The following ADH1B variants were observed in gnomAD, a reference collection of about 807,000 sequenced individuals.
ADH1B encodes alcohol dehydrogenase 1B (class I), beta polypeptide, also known as all-trans-retinol dehydrogenase [NAD(+)] ADH1B.
Under a neutral mutation model 34.6 loss-of-function variants are expected in ADH1B, and 29 were observed. The ratio of observed to expected loss-of-function variants is 0.84; its 90% CI spans 0.62 to 1.14. The LOEUF is 1.14. Among genes scored for constraint, ADH1B ranks in the 50% most tolerant of loss-of-function variants. ADH1B has a pLI of 0.00. For synonymous variants in ADH1B, 170 were observed against 175.5 expected, an observed-to-expected ratio of 0.97 and a Z score of 0.25; for missense variants, 424 against 468.4, an observed-to-expected ratio of 0.91 and a Z score of 0.87.
chr4:99,308,000 A>G, intron 8 of ADH1B, 136 bp from the exon 9 acceptor site: 1 of 1,145,510 alleles, frequency 8.7e-7, no homozygotes, highest in South Asian at 1.6e-5. Flanking sequence ...ATCCCCATAC[A>G]TTTGGTTCAA....
intron 1 of ADH1B, chr4:99,320,857 G>A: frequency 5.6e-6 from 7 of 1,259,220 alleles, no homozygotes; most frequent in Non-Finnish European, 7.1e-6. Flanking sequence ...TAAGGTTAAA[G>A]GATATTTCAG....
At chr4:99,315,346 A>G (rs1295882722) in intron 5 of ADH1B, 1 of 165,768 alleles carries the variant, frequency 6.0e-6, no homozygotes, top group Non-Finnish European at 1.3e-5. Flanking sequence ...AGTTAGTTTT[A>G]GCAGTGAAAT....
rs1033639294 is a variant in ADH1B at position 99,306,636 on chromosome 4, A to G, written c.*1204T>C. 1.3e-5 allele frequency: 2 copies of G among 151,906 alleles called. No homozygotes were observed. The highest frequency in any genetic ancestry group is 2.9e-5 in the Non-Finnish European group (2 of 68,010). 9.4% of individuals were successfully genotyped at this position (151,906 alleles called of 1,614,324 possible). A position where few individuals can be genotyped will look rare whatever the true frequency, so the allele number is the denominator to read the frequency against. On this transcript the variant is annotated 3_prime_UTR_variant, in exon 9 of 9. Coordinates refer to ENST00000305046, the MANE Select transcript of ADH1B (RefSeq NM_000668.6). ...TAATCTTTGCATGTCACATTTAGAG[A>G]TAAAGCTCAAAATGCAAATCCTTCC... is the stretch of plus-strand genomic sequence containing the variant.
chr4:99,316,333 A>G, intron 3 of ADH1B, 31 bp from the exon 4 acceptor site: 1 of 1,576,344 alleles, frequency 6.3e-7, no homozygotes, highest in Non-Finnish European at 8.7e-7. Flanking sequence ...TTCTTCTTAA[A>G]TTTCTATGCA....
In ADH1B at chr4:99,307,848, T is replaced by G; in HGVS notation, c.1120A>C (p.Thr374Pro). The G allele has an allele frequency of 6.2e-7, 1 of 1,613,898 alleles. No individual in the cohort carries two copies. Among genetic ancestry groups the G allele is most frequent in the South Asian group, 1.1e-5 (1 of 91,066 alleles). ...HSGKSIRTVL[T>P]F is the part of the protein sequence containing the mutation. ...AAGGCATCTCTATTGCCTCAAAACG[T>G]CAGGACGGTACGGATACTGCAATAG... The change falls in exon 9 of 9, where the codon ACG becomes CCG. Residue 374 changes from threonine (T) to proline (P), a missense_variant. This residue lies in a region of ADH1B where 130 missense variants were observed against 151.8 expected (regional missense o/e 0.86). Coordinates refer to ENST00000305046, the MANE Select transcript of ADH1B (RefSeq NM_000668.6).
At chr4:99,318,258 G>C in intron 2 of ADH1B, 74 bp from the exon 3 acceptor site, 2 of 1,575,346 alleles carry the variant, frequency 1.3e-6, no homozygotes, top group African/African-American at 1.4e-5. Flanking sequence ...CCAAATTCCT[G>C]AAATTGTGTT....
chr4:99,310,543 G>A (rs1280678331), intron 8 of ADH1B, among the ~76,000 whole-genome samples: 1 of 151,998 alleles, frequency 6.6e-6, no homozygotes, highest in Non-Finnish European at 1.5e-5. Context: ...ATTCAGATTT[G>A]CAGTAATCAA....
rs574201027 is a variant in ADH1B, at chr4:99,310,703, T to C, written c.1103+62A>G. 69 of 1,549,408 alleles carry C rather than the reference T, an allele frequency of 4.5e-5. 2 individuals are homozygous for C. Among genetic ancestry groups the C allele is most frequent in the African/African-American group, 9.7e-5 (7 of 71,934 alleles). On this transcript the variant is annotated intron_variant, in intron 8 of 8. Transcript: ENST00000305046. ...TCTCATCTTTCCACCTTTTTCATTC[T>C]CTGCTAGACAATCCCCTATGGTAGA...
chr4:99,311,241 A>G (rs976285889), intron 7 of ADH1B, among the ~76,000 whole-genome samples: 8 of 152,226 alleles, frequency 5.3e-5, no homozygotes, highest in African/African-American at 1.7e-4. Context: ...AAAAATTTCC[A>G]TGCCTTACAC....
rs575940758 is a variant in ADH1B, at chr4:99,306,602, T to A, written c.*1238A>T. ...CATTTTTGGAGACAGCTACCTCCTT[T>A]ACCAGGAATAATCTTTGCATGTCAC... On this transcript the variant is annotated 3_prime_UTR_variant, in exon 9 of 9. Coordinates refer to ENST00000305046, the MANE Select transcript of ADH1B (RefSeq NM_000668.6). 6.6e-6 allele frequency: 1 copy of A among 152,242 alleles called. No individual in the cohort carries two copies. The highest frequency in any genetic ancestry group is 2.4e-5 in the African/African-American group (1 of 41,456). 9.4% of individuals were successfully genotyped at this position (152,242 alleles called of 1,614,324 possible).
chr4:99,317,798 CTCTA>C (rs1733922726), intron 3 of ADH1B: 3 of 516,530 alleles, frequency 5.8e-6, no homozygotes, highest in Non-Finnish European at 6.6e-6. Context: ...TATCTCCAGG[CTCTA>C]ACCTGGTGCC....
Position 99,318,828 on chromosome 4 carries a change from T to G in ADH1B, c.77A>C (p.Asp26Ala). ...AGCCTTAGGAGGTGCAACCTCCACA[T>G]CCTCAATGGAAAAGGGTTTCTTTAC... ...WEVKKPFSIE[D>A]VEVAPPKAYE... Residue 26 changes from aspartate to alanine, a missense_variant, in exon 2 of 9, where the codon GAT (aspartate) becomes GCT (alanine). This residue lies in a region of ADH1B where 291 missense variants were observed against 300.4 expected (regional missense o/e 0.97). Transcript: ENST00000305046. 1.2e-6 allele frequency: 2 copies of G among 1,613,944 alleles called. No homozygotes were observed. The highest frequency in any genetic ancestry group is 1.7e-6 in the Non-Finnish European group (2 of 1,179,912).
In ADH1B at chr4:99,313,865, C is replaced by G. The variant is rs1359774317; in HGVS notation, c.784G>C (p.Gly262Arg). ...QEVLKEMTDG[G>R]VDFSFEVIGR... ...ATGACTTCAAACGAAAAATCCACAC[C>G]TCCATCAGTCATTTCCTTTAGCACT... The change falls in exon 6 of 9, where the codon GGT becomes CGT. Residue 262 changes from glycine (G) to arginine (R), a missense_variant. Physicochemically the swap from Gly to Arg is moderately radical, Grantham distance 125. Coordinates refer to ENST00000305046, the MANE Select transcript of ADH1B (RefSeq NM_000668.6). 6.2e-7 allele frequency: 1 copy of G among 1,614,058 alleles called. No homozygotes were observed. The highest frequency in any genetic ancestry group is 1.7e-5 in the Admixed American group (1 of 60,024).
chr4:99,317,982 C>G, intron 3 of ADH1B, 64 bp downstream of exon 3: 1 of 1,597,186 alleles, frequency 6.3e-7, no homozygotes, highest in Non-Finnish European at 8.5e-7. Context: ...CCTTGGTTTC[C>G]TTATCCAGGC....
chr4:99,307,229 T>A lies in ADH1B; in HGVS notation c.*611A>T, dbSNP rs1450195302. 1.3e-5 allele frequency: 2 copies of A among 152,444 alleles called. No individual in the cohort carries two copies. The highest frequency in any genetic ancestry group is 2.9e-5 in the Non-Finnish European group (2 of 68,220). The allele number at this position is 152,444 out of a possible 1,614,324, so 9.4% of individuals were successfully genotyped here. A position where few individuals can be genotyped will look rare whatever the true frequency, so the allele number is the denominator to read the frequency against. ...CCATAAAGAAATAGTATAAAAGTCA[T>A]AAAAACACTGCCATTTACTGTAGTA... On this transcript the variant is annotated 3_prime_UTR_variant, in exon 9 of 9. Coordinates refer to ENST00000305046, the MANE Select transcript of ADH1B (RefSeq NM_000668.6).
At chr4:99,315,018 G>C (rs1439201936) in intron 5 of ADH1B, 2 of 152,008 alleles carry the variant, frequency 1.3e-5, no homozygotes, top group Non-Finnish European at 2.9e-5. Context: ...CATACTATGG[G>C]GGACAACACC....
chr4:99,318,063 AC>A lies in ADH1B; in HGVS notation c.241del (p.Val81Ter), dbSNP rs768801751. ...AGIVESVGEG[V>X]TTVKPGDKVI... ...TCCTGTACCTGGTTTGACTGTAGTC[AC>A]CCCTTCTCCAACACTCTCCACGATG... On this transcript the variant is annotated frameshift_variant, in exon 3 of 9. Coordinates refer to ENST00000305046, the MANE Select transcript of ADH1B (RefSeq NM_000668.6). LOFTEE classifies it high-confidence loss of function. 7 of 1,613,816 alleles carry A rather than the reference AC, an allele frequency of 4.3e-6. No individual in the cohort carries two copies. In the Admixed American group the frequency reaches 1.0e-4, roughly 23 times the overall value.
chr4:99,311,151 C>T (rs2110631112), intron 7 of ADH1B, among the ~76,000 whole-genome samples: 1 of 152,152 alleles, frequency 6.6e-6, no homozygotes, highest in South Asian at 2.1e-4. Context: ...AGTTTATGCC[C>T]AAGGTAGAGG....
At chr4:99,313,239 T>C (rs1365956042) in intron 6 of ADH1B, among the ~76,000 whole-genome samples, 1 of 152,054 alleles carries the variant, frequency 6.6e-6, no homozygotes, top group Non-Finnish European at 1.5e-5. Context: ...TTTCAAAGTA[T>C]TCAGTCCAAC....
Sources: allele counts gnomAD v4.1 joint callset (sites outside exome capture counted in the v4.1 genomes callset), GRCh38; gene constraint gnomAD v4.1.1; regional missense constraint gnomAD v4.1.1; transcripts MANE v1.5; gene names NCBI Gene and HGNC (gene_info 2026-07-23, HGNC 2026-07-21).